HADHA: variants seen among roughly 807,000 people sequenced by gnomAD.
HADHA encodes hydroxyacyl-CoA dehydrogenase trifunctional multienzyme complex subunit alpha.
A neutral mutation model predicts 91.3 loss-of-function variants in HADHA; 59 were observed. The ratio of observed to expected loss-of-function variants is 0.65; its 90% confidence interval spans 0.52 to 0.80. The LOEUF is 0.80. HADHA is among the 30% of genes least tolerant of loss of function. HADHA has a pLI of 0.00. For synonymous variants in HADHA, 320 were observed against 338.9 expected (o/e 0.94, Z 0.61); for missense variants, 800 against 927.6 (o/e 0.86, Z 1.79).
chr2:26,227,053 G>C (rs1405190010), intron 7 of HADHA, among the ~76,000 whole-genome samples: 1 of 152,128 alleles, frequency 6.6e-6, no homozygotes, highest in African/African-American at 2.4e-5. Flanking sequence ...TTTGATAAAG[G>C]ACTCATATCC....
chr2:26,234,690 C>T (rs1321612612), intron 4 of HADHA, among the ~76,000 whole-genome samples: 1 of 150,608 alleles, frequency 6.6e-6, no homozygotes, highest in African/African-American at 2.4e-5. Flanking sequence ...AGTGTGAAAC[C>T]GGGAGGTGGA....
rs1553315306 is a variant in HADHA at position 26,229,348 on chromosome 2, G to GCACGCACACACACACA, written c.676+843_676+844insTGTGTGTGTGTGCGTG. ...GTGAGACCCCAACATGTGTGCGCGCGCACACACACACACACACACACACAC... is the reference window on the plus strand; with the variant it reads ...GTGAGACCCCAACATGTGTGCGCGCGCACGCACACACACACACACACACACACACACACACACACAC... On this transcript the variant is annotated intron_variant, in intron 7 of 19. Coordinates refer to ENST00000380649, the MANE Select transcript of HADHA (RefSeq NM_000182.5). The surrounding 1 kb of genome is among the most constrained non-coding windows in gnomAD (Gnocchi z 4.3). 1.0e-3 allele frequency among the ~76,000 whole-genome samples: 151 copies of GCACGCACACACACACA among 147,624 alleles called. No individual in the cohort carries two copies. Among genetic ancestry groups the GCACGCACACACACACA allele is most frequent in the African/African-American group, 3.6e-3 (144 of 39,654 alleles).
chr2:26,196,111 A>T lies in HADHA; in HGVS notation c.1480-879T>A, dbSNP rs114437350. Among the ~76,000 whole-genome samples, 446 of 152,274 alleles carry T rather than the reference A, an allele frequency of 2.9e-3. 4 individuals carry two copies. The highest frequency in any genetic ancestry group is 0.01 in the African/African-American group (430 of 41,538). ...ATTTACCACTTATTCCTTACATTTA[A>T]TCCATTACAACCCTATGAACTGGTC... On this transcript the variant is annotated intron_variant, in intron 14 of 19. Transcript: ENST00000380649.
At chr2:26,203,963 GAACA>G (rs1054551534) in intron 12 of HADHA, 95 bp downstream of exon 12, 45 of 1,187,986 alleles carry the variant, frequency 3.8e-5, no homozygotes, top group South Asian at 2.8e-4. Context: ...GTGATGGCAA[GAACA>G]AACAAACAAA....
Position 26,214,647 on chromosome 2 carries a change from G to A in HADHA, c.800-86C>T. 1.3e-5 allele frequency: 10 copies of A among 794,360 alleles called. 1 individual carries two copies. Among genetic ancestry groups the A allele is most frequent in the South Asian group, 1.2e-4 (9 of 72,492 alleles). 49.2% of individuals were successfully genotyped at this position (794,360 alleles called of 1,614,324 possible). ...ATGCTCTAAACTCTATAAAAATGAA[G>A]TAATTCTAGCTATCTGCAAGAACTG... On this transcript the variant is annotated intron_variant, in intron 8 of 19. Coordinates refer to ENST00000380649, the MANE Select transcript of HADHA (RefSeq NM_000182.5). The surrounding 1 kb of genome is among the most constrained non-coding windows in gnomAD (Gnocchi z 4.1).
In HADHA at chr2:26,238,955, T is replaced by C; in HGVS notation, c.159A>G (p.Arg53=). ...ATACCTTTGAATTGGGAGAGTTAAT[T>C]CGAACAACTGCCACATCCCCTTTGA... ...YGVKGDVAVV[R]INSPNSKVNT... The change falls in exon 3 of 20, where the codon CGA becomes CGG. Residue 53 remains arginine, a synonymous_variant. Transcript: ENST00000380649. 1 of 1,607,636 alleles carries C rather than the reference T, an allele frequency of 6.2e-7. No homozygotes were observed. Among genetic ancestry groups the C allele is most frequent in the Non-Finnish European group, 8.5e-7 (1 of 1,175,124 alleles).
rs77048489 is a variant in HADHA at position 26,204,606 on chromosome 2, A to G, written c.1086-410T>C. Among the ~76,000 whole-genome samples the G allele has an allele frequency of 3.4e-3, 515 of 152,156 alleles. 2 individuals are homozygous for G. The highest frequency in any genetic ancestry group is 0.012 in the African/African-American group (483 of 41,508). Reference sequence around the variant, plus strand: ...ATCTTTCTTTCTTTTTTTGAGAGACATGGTTTTGCTCCCTTACCCAGGCTG... The same window carrying G: ...ATCTTTCTTTCTTTTTTTGAGAGACGTGGTTTTGCTCCCTTACCCAGGCTG... On this transcript the variant is annotated intron_variant, in intron 11 of 19. Coordinates refer to ENST00000380649, the MANE Select transcript of HADHA (RefSeq NM_000182.5).
chr2:26,239,483 A>G (rs1054611567), intron 1 of HADHA, among the ~76,000 whole-genome samples: 1 of 152,212 alleles, frequency 6.6e-6, no homozygotes, highest in Non-Finnish European at 1.5e-5. Context: ...GGCCCAGTGT[A>G]ATCACAAAAG....
rs1476990298 is a variant in HADHA, at chr2:26,207,353, C to T, written c.1085+2427G>A. On this transcript the variant is annotated intron_variant, in intron 11 of 19. Coordinates refer to ENST00000380649, the MANE Select transcript of HADHA (RefSeq NM_000182.5). ...TTTTTTTTTGGTGGGAGGGCATTTG[C>T]TGGAATGTTAACTTTAGCTGTTAAT... Among the ~76,000 whole-genome samples, 17 of 141,986 alleles carry T rather than the reference C, an allele frequency of 1.2e-4. No homozygotes were observed. In the South Asian group the frequency reaches 3.7e-3, roughly 31 times the overall value. 93.1% of individuals were successfully genotyped at this position (141,986 alleles called of 152,430 possible).
intron 1 of HADHA, among the ~76,000 whole-genome samples, chr2:26,242,000 C>CT (rs2147787283): frequency 6.6e-6 from 1 of 152,020 alleles, no homozygotes; most frequent in Admixed American, 6.5e-5. Flanking sequence ...CTCCTGGGTT[C>CT]AAGCGATTCT....
At chr2:26,222,319 G>A (rs1670393713) in intron 7 of HADHA, among the ~76,000 whole-genome samples, 1 of 152,162 alleles carries the variant, frequency 6.6e-6, no homozygotes, top group African/African-American at 2.4e-5. Context: ...AACATGTTAA[G>A]TTTCTGTTGT....
chr2:26,230,267 T>G lies in HADHA; in HGVS notation c.601A>C (p.Met201Leu), dbSNP rs760410350. The G allele has an allele frequency of 6.2e-7, 1 of 1,613,456 alleles. No individual in the cohort carries two copies. Among genetic ancestry groups the G allele is most frequent in the African/African-American group, 1.3e-5 (1 of 74,876 alleles). The change falls in exon 7 of 20, where the codon ATG becomes CTG. Residue 201 changes from methionine to leucine, a missense_variant. Met to Leu is a conservative substitution (Grantham distance 15). Coordinates refer to ENST00000380649, the MANE Select transcript of HADHA (RefSeq NM_000182.5). ...GCACGAATGCTTCTACCAGTCAGCA[T>G]CATGTCCAAAGCAGCAGGCACACCC... ...MVGVPAALDM[M>L]LTGRSIRADR...
In HADHA at chr2:26,236,844, C is replaced by T; in HGVS notation, c.314+11G>A. ...AAGATAAAAGGTGACTTCAAGTTTC[C>T]TAAAACTTACTTGATATCAGCACCT... On this transcript the variant is annotated intron_variant, in intron 4 of 19. Transcript: ENST00000380649. 3 of 1,605,134 alleles carry T rather than the reference C, an allele frequency of 1.9e-6. No individual in the cohort carries two copies. Among genetic ancestry groups the T allele is most frequent in the Non-Finnish European group, 1.7e-6 (2 of 1,173,380 alleles).
At chr2:26,198,014 G>C (rs1257348272) in intron 13 of HADHA, among the ~76,000 whole-genome samples, 1 of 152,128 alleles carries the variant, frequency 6.6e-6, no homozygotes, top group Non-Finnish European at 1.5e-5. Context: ...CCATCATAAG[G>C]TCACCTTATC....
chr2:26,229,158 A>C lies in HADHA; in HGVS notation c.676+1034T>G, dbSNP rs1005471034. ...AGTTTGAGACTAGCCTGGAAAACAG[A>C]GTGAGATCTCGTTTCTACAAAAAAT... is the stretch of plus-strand genomic sequence containing the variant. On this transcript the variant is annotated intron_variant, in intron 7 of 19. Coordinates refer to ENST00000380649, the MANE Select transcript of HADHA (RefSeq NM_000182.5). The surrounding 1 kb of genome is among the most constrained non-coding windows in gnomAD (Gnocchi z 4.3). Among the ~76,000 whole-genome samples the C allele has an allele frequency of 6.6e-6, 1 of 152,158 alleles. No individual in the cohort carries two copies.
rs1371195814 is a variant in HADHA at position 26,221,818 on chromosome 2, G to T, written c.677-6643C>A. Among the ~76,000 whole-genome samples, 2 of 152,160 alleles carry T rather than the reference G, an allele frequency of 1.3e-5. No homozygotes were observed. Among genetic ancestry groups the T allele is most frequent in the African/African-American group, 2.4e-5 (1 of 41,442 alleles). Reference sequence around the variant, plus strand: ...ACATCCCTTAAGGACAGTGGTGAAGGGATAGCCTCCCAGTGGGCAGTACTT... The same window carrying T: ...ACATCCCTTAAGGACAGTGGTGAAGTGATAGCCTCCCAGTGGGCAGTACTT... On this transcript the variant is annotated intron_variant, in intron 7 of 19. Coordinates refer to ENST00000380649, the MANE Select transcript of HADHA (RefSeq NM_000182.5). This position sits in a 1 kb window ranked among gnomAD's most constrained non-coding sequence, Gnocchi z 4.8.
intron 2 of HADHA, 35 bp downstream of exon 2, chr2:26,239,067 T>C: frequency 6.3e-7 from 1 of 1,579,346 alleles, no homozygotes; most frequent in Non-Finnish European, 8.7e-7. Context: ...CAAAAAGCAA[T>C]GTAAGCATAC....
chr2:26,211,100 C>G (rs190137798), intron 10 of HADHA, among the ~76,000 whole-genome samples: 16 of 152,126 alleles, frequency 1.1e-4, no homozygotes, highest in African/African-American at 3.6e-4. Context: ...GCAAAAGATT[C>G]ATCAATGGTC....
At chr2:26,234,153 T>G in intron 5 of HADHA, 64 bp downstream of exon 5, 1 of 1,474,682 alleles carries the variant, frequency 6.8e-7, no homozygotes, top group South Asian at 1.1e-5. Flanking sequence ...AGCCTAAGGG[T>G]TTACAGCTGA....
Sources: gnomAD v4.1 joint callset for allele counts (sites outside exome capture counted in the v4.1 genomes callset) on GRCh38, gnomAD v4.1.1 for gene constraint, Gnocchi (gnomAD v3.1) non-coding constraint, MANE v1.5 for transcripts, NCBI Gene and HGNC (gene_info 2026-07-23, HGNC 2026-07-21) for gene names.